SEPTIN9: variants seen among roughly 807,000 people sequenced by gnomAD.
The protein encoded by SEPTIN9 is septin 9, also known as septin-9.
Under a neutral mutation model 56.6 loss-of-function variants are expected in SEPTIN9, and 13 were observed. That is an observed-to-expected ratio of 0.23 (90% CI 0.15 to 0.37). SEPTIN9 has a LOEUF of 0.37. Among genes scored for constraint, SEPTIN9 ranks in the 10% least tolerant of loss-of-function variants. The pLI is 1.00. For synonymous variants in SEPTIN9, 332 were observed against 334.1 expected, an observed-to-expected ratio of 0.99 and a Z score of 0.07; for missense variants, 650 against 823.1, an observed-to-expected ratio of 0.79 and a Z score of 2.57.
At position 77,451,967 on chromosome 17, in the gene SEPTIN9, G is replaced by A. The variant is rs1261286130; in HGVS notation, c.722-30177G>A. ...CAAGTTATCACCCCTCTGGGCTCCC[G>A]AAGACCGGCTGGCTGGAGGCTGGAG... On this transcript the variant is annotated intron_variant, in intron 3 of 11. Transcript: ENST00000427177. This position sits in a 1 kb window ranked among gnomAD's most constrained non-coding sequence, Gnocchi z 4.2. Among the ~76,000 whole-genome samples the A allele has an allele frequency of 2.6e-5, 4 of 152,208 alleles. No homozygotes were observed. The highest frequency in any genetic ancestry group is 5.9e-5 in the Non-Finnish European group (4 of 68,036).
intron 3 of SEPTIN9, among the ~76,000 whole-genome samples, chr17:77,441,354 T>C (rs925796061): frequency 2.6e-5 from 4 of 152,166 alleles, no homozygotes; most frequent in African/African-American, 9.6e-5. Context: ...CTGCGGCCCC[T>C]GCCCCGGAGG....
intron 2 of SEPTIN9, among the ~76,000 whole-genome samples, chr17:77,350,610 A>AGTGTGTGTGTGTCTGT (rs1555650459): frequency 6.7e-6 from 1 of 149,396 alleles, no homozygotes; most frequent in African/African-American, 2.5e-5. Flanking sequence ...CCTCCAGTGC[A>AGTGTGTGTGTGTCTGT]GTGTGTGTGT....
At chr17:77,413,829 C>G (rs2036388975) in intron 3 of SEPTIN9, among the ~76,000 whole-genome samples, 1 of 151,782 alleles carries the variant, frequency 6.6e-6, no homozygotes, top group African/African-American at 2.4e-5. Context: ...ACACCACGAA[C>G]CAGGACACAC....
rs373628244 is a variant in SEPTIN9, at chr17:77,313,213, C to T, written c.76+6016C>T. Among the ~76,000 whole-genome samples, 7 of 152,320 alleles carry T rather than the reference C, an allele frequency of 4.6e-5. No homozygotes were observed. The highest frequency in any genetic ancestry group is 3.4e-3 in the Middle Eastern group (1 of 294). On this transcript the variant is annotated intron_variant, in intron 2 of 11. Coordinates refer to ENST00000427177, the MANE Select transcript of SEPTIN9 (RefSeq NM_001113491.2). The surrounding 1 kb of genome is among the most constrained non-coding windows in gnomAD (Gnocchi z 4.5). ...ACCTCCCTCGCTCTGCAGGGGCAGTCGGGGGCCCCCTCTAGGAATGGAGCG... is the reference window on the plus strand; with the variant it reads ...ACCTCCCTCGCTCTGCAGGGGCAGTTGGGGGCCCCCTCTAGGAATGGAGCG...
chr17:77,361,855 A>C (rs1320445332), intron 2 of SEPTIN9, among the ~76,000 whole-genome samples: 1 of 150,626 alleles, frequency 6.6e-6, no homozygotes, highest in Non-Finnish European at 1.5e-5. Context: ...GATGGTCTCG[A>C]TCTCTTGACC....
At chr17:77,339,691 G>A (rs1192696157) in intron 2 of SEPTIN9, among the ~76,000 whole-genome samples, 1 of 151,412 alleles carries the variant, frequency 6.6e-6, no homozygotes, top group Non-Finnish European at 1.5e-5. Flanking sequence ...TGTATTTTTT[G>A]TAGAAACAGG....
chr17:77,285,688 C>CG (rs1156749277), intron 1 of SEPTIN9, among the ~76,000 whole-genome samples: 1 of 152,182 alleles, frequency 6.6e-6, no homozygotes, highest in Non-Finnish European at 1.5e-5. Flanking sequence ...CATGAGCCAC[C>CG]GTGCCCAGCC....
Position 77,402,637 on chromosome 17 carries a change from C to A in SEPTIN9, c.655C>A (p.Leu219Met). The A allele has an allele frequency of 6.2e-7, 1 of 1,613,210 alleles. No individual in the cohort carries two copies. Among genetic ancestry groups the A allele is most frequent in the South Asian group, 1.1e-5 (1 of 91,036 alleles). ...ENSEPAPVSQ[L>M]QSRLEPKPQP... is the part of the protein sequence containing the mutation. ...TTCAGAGCCTGCCCCTGTGTCTCAG[C>A]TGCAGAGCAGGCTGGAGCCCAAGCC... Residue 219 changes from leucine (L) to methionine (M), a missense_variant, in exon 3 of 12, where the codon CTG becomes ATG. Around this residue, in one of 2 missense-constraint regions of SEPTIN9, gnomAD observed 317 missense variants for 329.1 expected, o/e 0.96. Transcript: ENST00000427177. The surrounding 1 kb of genome is among the most constrained non-coding windows in gnomAD (Gnocchi z 6.6).
chr17:77,281,911 G>GGTCCTT, intron 1 of SEPTIN9: 1 of 296,522 alleles, frequency 3.4e-6, no homozygotes, highest in Non-Finnish European at 6.4e-6. Flanking sequence ...GCTAGGTGGA[G>GGTCCTT]GGGTGTCCTT....
chr17:77,321,537 C>T (rs2032928836), intron 2 of SEPTIN9, among the ~76,000 whole-genome samples: 1 of 151,770 alleles, frequency 6.6e-6, no homozygotes, highest in African/African-American at 2.4e-5. Context: ...GCAGCTGGGA[C>T]TATAGGCGCC....
Position 77,494,026 on chromosome 17 carries a change from C to T in SEPTIN9, c.1573+950C>T, listed in dbSNP as rs537874416. Among the ~76,000 whole-genome samples the T allele has an allele frequency of 1.4e-3, 57 of 39,478 alleles. No homozygotes were observed. The South Asian group carries it at 0.028, about 19-fold the overall frequency. The allele number at this position is 39,478 out of a possible 152,430, so 25.9% of individuals were successfully genotyped here. On this transcript the variant is annotated intron_variant, in intron 10 of 11. Coordinates refer to ENST00000427177, the MANE Select transcript of SEPTIN9 (RefSeq NM_001113491.2). ...GACCTCAGGTGATCTGCCCACCTTGCTTGGCCTCCCAAAGTGCTGGGATTA... is the reference window on the plus strand; with the variant it reads ...GACCTCAGGTGATCTGCCCACCTTGTTTGGCCTCCCAAAGTGCTGGGATTA...
chr17:77,372,877 C>T (rs561106394), intron 2 of SEPTIN9, among the ~76,000 whole-genome samples: 1 of 152,376 alleles, frequency 6.6e-6, no homozygotes, highest in South Asian at 2.1e-4. Flanking sequence ...GCGTGCGCTG[C>T]CGTTTAACCC....
chr17:77,445,290 C>G lies in SEPTIN9; in HGVS notation c.722-36854C>G, dbSNP rs939582538. 1.9e-5 allele frequency: 9 copies of G among 467,196 alleles called. No homozygotes were observed. Among genetic ancestry groups the G allele is most frequent in the African/African-American group, 4.0e-5 (2 of 50,088 alleles). 28.9% of individuals were successfully genotyped at this position (467,196 alleles called of 1,614,324 possible). A position where few individuals can be genotyped will look rare whatever the true frequency, so the allele number is the denominator to read the frequency against. Reference sequence around the variant, plus strand: ...CTGCTCCCCAGCCCTTTCCTCCGCACCCCCATGCAGAAGCGCGGCCGCCAG... The same window carrying G: ...CTGCTCCCCAGCCCTTTCCTCCGCAGCCCCATGCAGAAGCGCGGCCGCCAG... On this transcript the variant is annotated intron_variant, in intron 3 of 11. Coordinates refer to ENST00000427177, the MANE Select transcript of SEPTIN9 (RefSeq NM_001113491.2). The surrounding 1 kb of genome is among the most constrained non-coding windows in gnomAD (Gnocchi z 4.7).
rs2039201841 is a variant in SEPTIN9, at chr17:77,476,062, G to T, written c.722-6082G>T. Among the ~76,000 whole-genome samples the T allele has an allele frequency of 6.6e-6, 1 of 152,192 alleles. No homozygotes were observed. On this transcript the variant is annotated intron_variant, in intron 3 of 11. Transcript: ENST00000427177. This position sits in a 1 kb window ranked among gnomAD's most constrained non-coding sequence, Gnocchi z 6.0. ...CTGGAGCTGGGAATGGCATTGGGCGGTGGCTCAGGGTCCCTTGCCCCAGCG... is the reference window on the plus strand; with the variant it reads ...CTGGAGCTGGGAATGGCATTGGGCGTTGGCTCAGGGTCCCTTGCCCCAGCG...
At chr17:77,343,003 G>GTCTATCTGTCTA in intron 2 of SEPTIN9, among the ~76,000 whole-genome samples, 1 of 147,254 alleles carries the variant, frequency 6.8e-6, no homozygotes, top group South Asian at 2.2e-4. Context: ...CTGTCTGTCT[G>GTCTATCTGTCTA]TCTATCTATC....
At chr17:77,414,835 C>T (rs1456388048) in intron 3 of SEPTIN9, among the ~76,000 whole-genome samples, 1 of 152,154 alleles carries the variant, frequency 6.6e-6, no homozygotes, top group Non-Finnish European at 1.5e-5. Flanking sequence ...GCCTTGGCCT[C>T]CCAAAGTTCT....
rs1394443124 is a variant in SEPTIN9, at chr17:77,437,849, C to A, written c.721+35146C>A. Among the ~76,000 whole-genome samples the A allele has an allele frequency of 6.6e-6, 1 of 152,220 alleles. No individual in the cohort carries two copies. The highest frequency in any genetic ancestry group is 2.4e-5 in the African/African-American group (1 of 41,468). Reference sequence around the variant, plus strand: ...TCCCTGTAAGAAAGTCAGGTGCCTCCCGAAGCTTCTCCCTGGCCCCAGGCC... The same window carrying A: ...TCCCTGTAAGAAAGTCAGGTGCCTCACGAAGCTTCTCCCTGGCCCCAGGCC... On this transcript the variant is annotated intron_variant, in intron 3 of 11. Transcript: ENST00000427177. The surrounding 1 kb of genome is among the most constrained non-coding windows in gnomAD (Gnocchi z 5.3).
At chr17:77,312,256 C>T (rs2032527110) in intron 2 of SEPTIN9, among the ~76,000 whole-genome samples, 1 of 152,078 alleles carries the variant, frequency 6.6e-6, no homozygotes, top group African/African-American at 2.4e-5. Flanking sequence ...GTGATAGGAT[C>T]CCTCCACCCG....
At position 77,317,983 on chromosome 17, in the gene SEPTIN9, G is replaced by A. The variant is rs139540878; in HGVS notation, c.76+10786G>A. Among the ~76,000 whole-genome samples, 74 of 152,182 alleles carry A rather than the reference G, an allele frequency of 4.9e-4. 1 individual carries two copies. Among genetic ancestry groups the A allele is most frequent in the African/African-American group, 1.7e-3 (70 of 41,508 alleles). ...GAAGAATTGCTTGAACCCAGGTGGC[G>A]GAGGTTGCAGTGAACTGAGATAGTG... On this transcript the variant is annotated intron_variant, in intron 2 of 11. Coordinates refer to ENST00000427177, the MANE Select transcript of SEPTIN9 (RefSeq NM_001113491.2). The surrounding 1 kb of genome is among the most constrained non-coding windows in gnomAD (Gnocchi z 4.2).
Sources: allele counts gnomAD v4.1 joint callset (sites outside exome capture counted in the v4.1 genomes callset), GRCh38; gene constraint gnomAD v4.1.1; regional missense constraint gnomAD v4.1.1; non-coding constraint Gnocchi (gnomAD v3.1); transcripts MANE v1.5; gene names NCBI Gene and HGNC (gene_info 2026-07-23, HGNC 2026-07-21).